Variants in SLC45A4 observed in about 807,000 individuals in gnomAD.
SLC45A4 encodes the protein solute carrier family 45 member 4, also known as polyamine-transporter SLC45A4.
Under a neutral mutation model 63.7 loss-of-function variants are expected in SLC45A4, and 32 were observed. That is an observed-to-expected ratio of 0.50 (90% CI 0.38 to 0.67). The LOEUF (loss-of-function observed/expected upper bound fraction) is 0.67, where lower values mean the gene tolerates loss of function less well. SLC45A4 is among the 30% of genes least tolerant of loss of function. The pLI, the probability that SLC45A4 is intolerant of heterozygous loss-of-function variation, is 0.00. For missense variants in SLC45A4, 1,027 were observed against 1,157.7 expected (o/e 0.89, Z 1.64); for synonymous variants, 535 against 510.0 (o/e 1.05, Z -0.66).
intron 1 of SLC45A4, among the ~76,000 whole-genome samples, chr8:141,257,004 C>A (rs1038737101): frequency 6.6e-6 from 1 of 152,134 alleles, no homozygotes; most frequent in Admixed American, 6.5e-5. Flanking sequence ...CAGGCACATG[C>A]CACCACGCCC....
chr8:141,268,769 TTGGGGAAGCTTTCTG>T (rs1271760581), intron 1 of SLC45A4, among the ~76,000 whole-genome samples: 1 of 152,214 alleles, frequency 6.6e-6, no homozygotes, highest in Non-Finnish European at 1.5e-5. Flanking sequence ...TGCCGCGTAC[TTGGGGAAGCTTTCTG>T]TGCCACCTGC....
At chr8:141,298,777 A>T (rs932467494) in intron 1 of SLC45A4, among the ~76,000 whole-genome samples, 2 of 152,172 alleles carry the variant, frequency 1.3e-5, no homozygotes, top group African/African-American at 4.8e-5. Flanking sequence ...AGGGCTGGCC[A>T]CAGAGCCCCC....
intron 3 of SLC45A4, among the ~76,000 whole-genome samples, chr8:141,220,610 G>A (rs1177127093): frequency 1.3e-5 from 2 of 152,242 alleles, no homozygotes; most frequent in Non-Finnish European, 2.9e-5. Context: ...GCGGGCCAGA[G>A]CCCGGGACCC....
intron 1 of SLC45A4, among the ~76,000 whole-genome samples, chr8:141,306,337 G>A (rs1196181490): frequency 6.6e-6 from 1 of 152,210 alleles, no homozygotes; most frequent in Admixed American, 6.5e-5. Context: ...TAGCCTGAAC[G>A]GGTGTGAAAT....
At chr8:141,237,995 C>A (rs995108553) in intron 2 of SLC45A4, among the ~76,000 whole-genome samples, 4 of 152,238 alleles carry the variant, frequency 2.6e-5, no homozygotes, top group African/African-American at 9.6e-5. Flanking sequence ...CCAGTCTAAA[C>A]AAAACATCCT....
chr8:141,228,033 C>T, intron 2 of SLC45A4: 1 of 934,444 alleles, frequency 1.1e-6, no homozygotes, highest in Non-Finnish European at 1.6e-6. Flanking sequence ...GGACCCAGCG[C>T]CTCATTTCTA....
At chr8:141,232,015 C>T (rs1212761016) in intron 2 of SLC45A4, among the ~76,000 whole-genome samples, 1 of 152,242 alleles carries the variant, frequency 6.6e-6, no homozygotes, top group East Asian at 1.9e-4. Flanking sequence ...ATGGCAGGAA[C>T]AGTACATTCC....
At chr8:141,266,324 G>A (rs906807187) in intron 1 of SLC45A4, among the ~76,000 whole-genome samples, 6 of 152,316 alleles carry the variant, frequency 3.9e-5, no homozygotes, top group South Asian at 2.1e-4. Context: ...GATGAGGGCC[G>A]GCTCATGAGA....
chr8:141,262,065 T>G (rs1829060310), intron 1 of SLC45A4, among the ~76,000 whole-genome samples: 1 of 152,138 alleles, frequency 6.6e-6, no homozygotes, highest in Admixed American at 6.5e-5. Flanking sequence ...CAATGCCACA[T>G]ATCTACAACC....
At chr8:141,263,505 T>C (rs1358170483) in intron 1 of SLC45A4, among the ~76,000 whole-genome samples, 2 of 151,942 alleles carry the variant, frequency 1.3e-5, no homozygotes, top group Non-Finnish European at 2.9e-5. Flanking sequence ...CAGTGGCTCA[T>C]GCCTGTAATC....
Position 141,227,441 on chromosome 8 carries a change from C to T in SLC45A4, c.242-5676G>A, listed in dbSNP as rs570335344. Among the ~76,000 whole-genome samples, 1 of 152,362 alleles carries T rather than the reference C, an allele frequency of 6.6e-6. No homozygotes were observed. Among genetic ancestry groups the T allele is most frequent in the African/African-American group, 2.4e-5 (1 of 41,580 alleles). ...GACAAAGCTTCCACATCAAGATACGCTTGTGTGCTGGGACCAAATGCCACA... is the reference window on the plus strand; with the variant it reads ...GACAAAGCTTCCACATCAAGATACGTTTGTGTGCTGGGACCAAATGCCACA... On this transcript the variant is annotated intron_variant, in intron 2 of 8. Coordinates refer to ENST00000517878, the MANE Select transcript of SLC45A4 (RefSeq NM_001286646.2). The surrounding 1 kb of genome is among the most constrained non-coding windows in gnomAD (Gnocchi z 4.4).
intron 1 of SLC45A4, among the ~76,000 whole-genome samples, chr8:141,274,090 G>A (rs1486632065): frequency 6.6e-6 from 1 of 152,172 alleles, no homozygotes; most frequent in African/African-American, 2.4e-5. Context: ...ATAGCTGGGC[G>A]TGGTGGCAGG....
At chr8:141,223,520 C>T (rs2154614123) in intron 2 of SLC45A4, among the ~76,000 whole-genome samples, 1 of 152,350 alleles carries the variant, frequency 6.6e-6, no homozygotes, top group South Asian at 2.1e-4. Context: ...TGTATGTCGG[C>T]AAACCCGTGC....
At chr8:141,268,206 A>T (rs2154614880) in intron 1 of SLC45A4, among the ~76,000 whole-genome samples, 1 of 152,336 alleles carries the variant, frequency 6.6e-6, no homozygotes, top group Admixed American at 6.5e-5. Context: ...GAAAGAAGCT[A>T]CTCTGAAACG....
chr8:141,284,683 G>C (rs1045339405), intron 1 of SLC45A4, among the ~76,000 whole-genome samples: 1 of 152,168 alleles, frequency 6.6e-6, no homozygotes. Flanking sequence ...AAGTAACTCT[G>C]TTTATTTGGT....
chr8:141,228,504 T>G, intron 2 of SLC45A4: 1 of 1,329,550 alleles, frequency 7.5e-7, no homozygotes, highest in Non-Finnish European at 9.7e-7. Flanking sequence ...GGCAGGCACC[T>G]GTCTTCACTG....
At chr8:141,258,206 G>A (rs1052323536) in intron 1 of SLC45A4, among the ~76,000 whole-genome samples, 66 of 152,024 alleles carry the variant, frequency 4.3e-4, no homozygotes, top group African/African-American at 1.5e-3. Context: ...CTAGGGTCAG[G>A]AAGTCGCCAG....
chr8:141,263,540 G>T (rs1829128526), intron 1 of SLC45A4, among the ~76,000 whole-genome samples: 1 of 151,746 alleles, frequency 6.6e-6, no homozygotes, highest in African/African-American at 2.4e-5. Flanking sequence ...GGCCGAGGCG[G>T]GTAGATCACG....
At chr8:141,230,026 A>C (rs888795551) in intron 2 of SLC45A4, 5 of 455,326 alleles carry the variant, frequency 1.1e-5, no homozygotes, top group African/African-American at 6.0e-5. Flanking sequence ...TGGAAGGACA[A>C]CACCACAGCA....
Sources: gnomAD v4.1 joint callset for allele counts (sites outside exome capture counted in the v4.1 genomes callset) on GRCh38, gnomAD v4.1.1 for gene constraint, Gnocchi (gnomAD v3.1) non-coding constraint, MANE v1.5 for transcripts, NCBI Gene and HGNC (gene_info 2026-07-23, HGNC 2026-07-21) for gene names.